Variants in PKN2 observed in about 807,000 individuals in gnomAD.
The protein encoded by PKN2 is protein kinase N2.
In PKN2, 38 loss-of-function variants were observed where a neutral mutation model predicts 119.1. That is an observed-to-expected ratio of 0.32 (90% CI 0.25 to 0.42). PKN2 has a LOEUF of 0.42. PKN2 is among the 10% of genes least tolerant of loss of function. PKN2 has a pLI of 1.00. For missense variants in PKN2, 850 were observed against 1,165.1 expected (o/e 0.73, Z 3.94); for synonymous variants, 390 against 384.9 (o/e 1.01, Z -0.15).
chr1:88,804,097 G>T (rs1219516856), intron 8 of PKN2, among the ~76,000 whole-genome samples: 1 of 152,132 alleles, frequency 6.6e-6, no homozygotes, highest in African/African-American at 2.4e-5. Context: ...AGTTTCGGTG[G>T]TTATTCATCT....
chr1:88,686,508 A>G (rs1198124640), intron 1 of PKN2, among the ~76,000 whole-genome samples: 2 of 152,128 alleles, frequency 1.3e-5, no homozygotes, highest in Non-Finnish European at 2.9e-5. Flanking sequence ...AGGAATACCT[A>G]AAGTTAAGCT....
intron 10 of PKN2, among the ~76,000 whole-genome samples, 194 bp downstream of exon 10, chr1:88,805,115 A>G (rs1671485057): frequency 6.6e-6 from 1 of 152,146 alleles, no homozygotes; most frequent in Non-Finnish European, 1.5e-5. Flanking sequence ...ACCCGGCTTC[A>G]ACAATAATCA....
intron 16 of PKN2, 37 bp from the exon 17 acceptor site, chr1:88,821,904 A>G: frequency 6.7e-7 from 1 of 1,491,554 alleles, no homozygotes; most frequent in African/African-American, 1.4e-5. Context: ...GAGCAATAAA[A>G]TTTATTAAAC....
At chr1:88,689,530 G>A (rs1462106787) in intron 1 of PKN2, among the ~76,000 whole-genome samples, 1 of 152,146 alleles carries the variant, frequency 6.6e-6, no homozygotes, top group East Asian at 1.9e-4. Context: ...AAAAGTGCAG[G>A]CTGGGCATAG....
At chr1:88,786,265 T>G in intron 8 of PKN2, 52 bp downstream of exon 8, 2 of 930,442 alleles carry the variant, frequency 2.1e-6, no homozygotes, top group South Asian at 3.1e-5. Context: ...ATTTTAAATG[T>G]GAGTTATATT....
intron 1 of PKN2, among the ~76,000 whole-genome samples, chr1:88,733,463 G>A (rs1688977443): frequency 6.6e-6 from 1 of 152,166 alleles, no homozygotes; most frequent in South Asian, 2.1e-4. Context: ...TCATACACCT[G>A]TGGGTTGTTT....
intron 8 of PKN2, among the ~76,000 whole-genome samples, chr1:88,793,586 A>G (rs1334200617): frequency 6.6e-6 from 1 of 152,046 alleles, no homozygotes. Flanking sequence ...AACATTTGCC[A>G]TCATTATGAG....
At chr1:88,818,836 G>C (rs1042677033) in intron 16 of PKN2, among the ~76,000 whole-genome samples, 1 of 152,054 alleles carries the variant, frequency 6.6e-6, no homozygotes, top group Non-Finnish European at 1.5e-5. Flanking sequence ...CATGTATATA[G>C]ACCAATGGAA....
At chr1:88,699,479 A>G (rs1666683084) in intron 1 of PKN2, among the ~76,000 whole-genome samples, 1 of 152,106 alleles carries the variant, frequency 6.6e-6, no homozygotes, top group African/African-American at 2.4e-5. Context: ...TACATAGGTA[A>G]ACATGTGCCA....
At chr1:88,731,374 G>C (rs1010993531) in intron 1 of PKN2, among the ~76,000 whole-genome samples, 1 of 152,178 alleles carries the variant, frequency 6.6e-6, no homozygotes, top group Non-Finnish European at 1.5e-5. Flanking sequence ...CCTGGCTTAA[G>C]GCAGGTAATA....
At chr1:88,812,453 G>T (rs902753034) in intron 15 of PKN2, among the ~76,000 whole-genome samples, 2 of 152,064 alleles carry the variant, frequency 1.3e-5, no homozygotes, top group Non-Finnish European at 2.9e-5. Flanking sequence ...AAAAACTATG[G>T]ACAGGGGCTG....
intron 1 of PKN2, among the ~76,000 whole-genome samples, chr1:88,692,375 A>T (rs934402169): frequency 6.6e-6 from 1 of 152,134 alleles, no homozygotes; most frequent in Non-Finnish European, 1.5e-5. Context: ...AGTTCCTATT[A>T]TATACCTAGA....
chr1:88,747,072 A>G (rs1377409757), intron 2 of PKN2, among the ~76,000 whole-genome samples: 1 of 152,138 alleles, frequency 6.6e-6, no homozygotes, highest in Non-Finnish European at 1.5e-5. Flanking sequence ...CGTAGAAGAG[A>G]ATGCTGATTA....
chr1:88,795,785 C>T (rs1671039550), intron 8 of PKN2, among the ~76,000 whole-genome samples: 1 of 152,150 alleles, frequency 6.6e-6, no homozygotes, highest in Non-Finnish European at 1.5e-5. Context: ...TATTTCTAGT[C>T]TATCCTTTTG....
In PKN2 at chr1:88,767,986, A is replaced by G. The variant is rs898256882; in HGVS notation, c.505-2366A>G. ...GGAGAATACAGGTTGATTGTGTGCT[A>G]TTTTATCCAAATTAGTACTGATTGC... On this transcript the variant is annotated intron_variant, in intron 3 of 21. Transcript: ENST00000370521. 3.3e-5 allele frequency among the ~76,000 whole-genome samples: 5 copies of G among 152,154 alleles called. 1 individual carries two copies. The highest frequency in any genetic ancestry group is 1.2e-4 in the African/African-American group (5 of 41,446).
intron 6 of PKN2, among the ~76,000 whole-genome samples, chr1:88,775,287 C>T (rs1284314698): frequency 1.3e-5 from 2 of 152,106 alleles, no homozygotes; most frequent in Admixed American, 6.5e-5. Flanking sequence ...TTGAACTCCT[C>T]GCAACCACTC....
At chr1:88,719,792 C>T (rs144951104) in intron 1 of PKN2, among the ~76,000 whole-genome samples, 1 of 152,072 alleles carries the variant, frequency 6.6e-6, no homozygotes, top group Non-Finnish European at 1.5e-5. Flanking sequence ...TTCTTACTGT[C>T]CATTGGCCAC....
chr1:88,708,438 C>G (rs1171983968), intron 1 of PKN2, among the ~76,000 whole-genome samples: 2 of 151,918 alleles, frequency 1.3e-5, no homozygotes, highest in East Asian at 1.9e-4. Flanking sequence ...AAAAATGTTT[C>G]TTTGTTTTGG....
At chr1:88,710,670 G>C (rs140463496) in intron 1 of PKN2, among the ~76,000 whole-genome samples, 1 of 152,274 alleles carries the variant, frequency 6.6e-6, no homozygotes, top group East Asian at 1.9e-4. Context: ...TGTCGAGGTG[G>C]AGAAAAAGGA....
Sources: allele counts gnomAD v4.1 joint callset (sites outside exome capture counted in the v4.1 genomes callset), GRCh38; gene constraint gnomAD v4.1.1; transcripts MANE v1.5; gene names NCBI Gene and HGNC (gene_info 2026-07-23, HGNC 2026-07-21).